KCP: variants seen among roughly 807,000 people sequenced by gnomAD.
KCP encodes the protein kielin/chordin-like protein.
KCP carries 194 observed loss-of-function variants against 212.7 expected under a neutral mutation model. The observed-to-expected ratio is 0.91, with a 90% confidence interval of 0.81 to 1.03. The LOEUF (loss-of-function observed/expected upper bound fraction) is 1.03. Among genes scored for constraint, KCP ranks in the 50% least tolerant of loss-of-function variants. The pLI is 0.00. For missense variants in KCP, 2,080 were observed against 2,162.5 expected (o/e 0.96, Z 0.76); for synonymous variants, 833 against 865.3 (o/e 0.96, Z 0.65).
chr7:128,882,526 G>A (rs937393390), intron 29 of KCP, among the ~76,000 whole-genome samples: 1 of 152,100 alleles, frequency 6.6e-6, no homozygotes, highest in East Asian at 1.9e-4. Context: ...AAAATGAAGC[G>A]AGAGACTTTA....
chr7:128,879,726 C>A lies in KCP; in HGVS notation c.4036G>T (p.Ala1346Ser). The change falls in exon 36 of 40, where the codon GCA becomes TCA. Residue 1346 changes from alanine (A) to serine (S), a missense_variant. Ala to Ser is a moderately conservative substitution (Grantham distance 99). Coordinates refer to ENST00000610776, the MANE Select transcript of KCP (RefSeq NM_001366122.1). ...DMAVRLLQDG[A>S]VTVDGHPVAL... ...TCCTCGGCTTTGCTCACCGTGACTGCCCCGTCCTGCAGCAGCCGCACGGCC... is the reference window on the plus strand; with the variant it reads ...TCCTCGGCTTTGCTCACCGTGACTGACCCGTCCTGCAGCAGCCGCACGGCC... The A allele has an allele frequency of 6.5e-7, 1 of 1,550,136 alleles. No individual in the cohort carries two copies. Among genetic ancestry groups the A allele is most frequent in the Non-Finnish European group, 8.7e-7 (1 of 1,146,970 alleles).
chr7:128,894,050 A>G lies in KCP; in HGVS notation c.931T>C (p.Phe311Leu). 6.5e-7 allele frequency: 1 copy of G among 1,549,584 alleles called. No individual in the cohort carries two copies. Among genetic ancestry groups the G allele is most frequent in the Non-Finnish European group, 8.7e-7 (1 of 1,146,120 alleles). Residue 311 changes from phenylalanine to leucine, a missense_variant, in exon 10 of 40, where the codon TTC (phenylalanine) becomes CTC (leucine). Physicochemically the swap from Phe to Leu is conservative, Grantham distance 22 (BLOSUM62 0). Transcript: ENST00000610776. Reference protein sequence around the residue: ...GTCCPVCDGCFLNGREHRSGE... With the variant: ...GTCCPVCDGCLLNGREHRSGE... ...CTGCGGTGCTCCCGCCCGTTTAGGA[A>G]ACAGCCTGTTGGGAAGGGGGGCCTT...
At chr7:128,885,461 C>A (rs1793594744) in intron 26 of KCP, among the ~76,000 whole-genome samples, 191 bp from the exon 27 acceptor site, 1 of 152,156 alleles carries the variant, frequency 6.6e-6, no homozygotes, top group South Asian at 2.1e-4. Context: ...GTTCAGAACA[C>A]CTGGGTTCTA....
rs374146178 is a variant in KCP, at chr7:128,904,065, G to A, written c.645C>T (p.Cys215=). The part of the protein sequence containing the change: ...FLSSSNPCLQ[C]TCLRSRVRCM... Reference sequence around the variant, plus strand: ...GGACAGGTGGACTCACCAGGCAGGTGCACTGTAGACAAGGGTTGGAGCTGG... The same window carrying A: ...GGACAGGTGGACTCACCAGGCAGGTACACTGTAGACAAGGGTTGGAGCTGG... The change falls in exon 6 of 40, where the codon TGC becomes TGT. Residue 215 remains cysteine (C), a synonymous_variant. Coordinates refer to ENST00000610776, the MANE Select transcript of KCP (RefSeq NM_001366122.1). 3 of 1,551,472 alleles carry A rather than the reference G, an allele frequency of 1.9e-6. No individual in the cohort carries two copies. In the African/African-American group the frequency reaches 4.1e-5, roughly 21 times the overall value.
Position 128,903,763 on chromosome 7 carries a change from C to T in KCP, c.712G>A (p.Val238Met), listed in dbSNP as rs1487132996. Residue 238 changes from valine (V) to methionine (M), a missense_variant, in exon 7 of 40, where the codon GTG (valine) becomes ATG (methionine). Val to Met is a conservative substitution (Grantham distance 21, BLOSUM62 1). Coordinates refer to ENST00000610776, the MANE Select transcript of KCP (RefSeq NM_001366122.1). ...GGGCAGCAGTGCCCAGGCCTCAGCA[C>T]TGGCTCTGGGCAGGGGCTAGGCGGG... ...KCPPSPCPEP[V>M]LRPGHCCPTC... 1.3e-6 allele frequency: 2 copies of T among 1,549,946 alleles called. No individual in the cohort carries two copies. The highest frequency in any genetic ancestry group is 2.0e-5 in the Admixed American group (1 of 50,888).
intron 25 of KCP, 21 bp downstream of exon 25, chr7:128,886,622 CTGTCACTCCACA>C: frequency 6.4e-7 from 1 of 1,551,084 alleles, no homozygotes; most frequent in Non-Finnish European, 8.7e-7. Context: ...TATGGTCCAG[CTGTCACTCCACA>C]CCCCCCACCT....
intron 8 of KCP, among the ~76,000 whole-genome samples, chr7:128,900,925 G>A (rs1430077176): frequency 2.6e-5 from 4 of 152,186 alleles, no homozygotes; most frequent in Non-Finnish European, 5.9e-5. Flanking sequence ...TCTTAAATAG[G>A]AGCTGGATAA....
chr7:128,907,585 C>T (rs972150694), intron 2 of KCP, 132 bp from the exon 3 acceptor site: 12 of 555,340 alleles, frequency 2.2e-5, no homozygotes, highest in Admixed American at 1.5e-4. Flanking sequence ...GGGTCCCCCT[C>T]GGTCAGCATC....
At chr7:128,900,963 A>T (rs1228728699) in intron 8 of KCP, among the ~76,000 whole-genome samples, 1 of 152,252 alleles carries the variant, frequency 6.6e-6, no homozygotes, top group South Asian at 2.1e-4. Flanking sequence ...ACTGGGCTGC[A>T]TTCCCAGATG....
chr7:128,890,713 G>GGATGGGTGTCGTGGGT (rs1794054259), intron 20 of KCP, among the ~76,000 whole-genome samples, 192 bp downstream of exon 20: 1 of 151,454 alleles, frequency 6.6e-6, no homozygotes, highest in Non-Finnish European at 1.5e-5. Context: ...GTGTCGTGGG[G>GGATGGGTGTCGTGGGT]GGCTGGGGGC....
intron 8 of KCP, among the ~76,000 whole-genome samples, chr7:128,895,326 G>C (rs1168386415): frequency 1.3e-5 from 2 of 152,222 alleles, no homozygotes; most frequent in African/African-American, 4.8e-5. Flanking sequence ...AGGAAACAAG[G>C]GGGCTGGTGT....
chr7:128,883,140 T>C (rs958832033), intron 29 of KCP, among the ~76,000 whole-genome samples: 2 of 150,178 alleles, frequency 1.3e-5, no homozygotes, highest in Admixed American at 1.3e-4. Flanking sequence ...GTATGTTTTT[T>C]CTTTCTTTTT....
chr7:128,895,724 A>C (rs1219700850), intron 8 of KCP, among the ~76,000 whole-genome samples: 1 of 152,222 alleles, frequency 6.6e-6, no homozygotes, highest in African/African-American at 2.4e-5. Context: ...TGGCAATGAG[A>C]GTGACCTCTG....
At chr7:128,886,439 G>C (rs377402051) in intron 26 of KCP, 25 bp downstream of exon 26, 17 of 1,525,348 alleles carry the variant, frequency 1.1e-5, no homozygotes, top group Non-Finnish European at 1.5e-5. Context: ...GCTGAAGCAA[G>C]GGGTAGGGCT....
At chr7:128,910,420 G>A (rs888310511) in intron 1 of KCP, among the ~76,000 whole-genome samples, 181 bp downstream of exon 1, 3 of 152,220 alleles carry the variant, frequency 2.0e-5, no homozygotes, top group African/African-American at 7.2e-5. Flanking sequence ...TGCTTTGGCC[G>A]TGGTCTTCCC....
At chr7:128,903,960 C>CA in intron 6 of KCP, 96 bp downstream of exon 6, 2 of 1,362,258 alleles carry the variant, frequency 1.5e-6, no homozygotes, top group South Asian at 2.5e-5. Context: ...TCTCGGGAGG[C>CA]ATGTGAGGGG....
Position 128,887,442 on chromosome 7 carries a change from C to T in KCP, c.2513-142G>A. ...AGCCACACACACACATACCCATATA[C>T]ACAGCCACACCCACAACCACATACA... On this transcript the variant is annotated intron_variant, in intron 22 of 39. Transcript: ENST00000610776. The T allele has an allele frequency of 4.4e-6, 3 of 686,822 alleles. No individual in the cohort carries two copies. In the South Asian group the frequency reaches 4.9e-5, roughly 11 times the overall value. The allele number at this position is 686,822 out of a possible 1,614,324, so 42.5% of individuals were successfully genotyped here.
Position 128,903,715 on chromosome 7 carries a change from A to C in KCP, c.748+12T>G. On this transcript the variant is annotated intron_variant, in intron 7 of 39. Transcript: ENST00000610776. ...CCTGTGGCTCTACCAGGGAGGGGCC[A>C]GGGGCTCTCACCTTGGCAGGTTGGG... 6.5e-7 allele frequency: 1 copy of C among 1,542,632 alleles called. No homozygotes were observed. The highest frequency in any genetic ancestry group is 8.8e-7 in the Non-Finnish European group (1 of 1,142,564).
At chr7:128,903,534 G>T (rs1794966003) in intron 7 of KCP, among the ~76,000 whole-genome samples, 193 bp downstream of exon 7, 1 of 152,206 alleles carries the variant, frequency 6.6e-6, no homozygotes, top group Admixed American at 6.5e-5. Context: ...ATCATTATCT[G>T]CACCTTACAC....
Sources: allele counts gnomAD v4.1 joint callset (sites outside exome capture counted in the v4.1 genomes callset), GRCh38; gene constraint gnomAD v4.1.1; transcripts MANE v1.5; gene names NCBI Gene and HGNC (gene_info 2026-07-23, HGNC 2026-07-21).